CNGA3: variants seen among roughly 807,000 people sequenced by gnomAD.
The protein encoded by CNGA3 is cyclic nucleotide-gated channel alpha-3.
CNGA3 carries 42 observed loss-of-function variants against 46.6 expected under a neutral mutation model. The ratio of observed to expected loss-of-function variants is 0.90; its 90% CI spans 0.70 to 1.17. The LOEUF (loss-of-function observed/expected upper bound fraction) is 1.17. Among genes scored for constraint, CNGA3 ranks in the 50% most tolerant of loss-of-function variants. CNGA3 has a pLI of 0.00. For synonymous variants in CNGA3, 394 were observed against 369.4 expected (o/e 1.07, Z -0.76); for missense variants, 893 against 890.7 (o/e 1.00, Z -0.03).
chr2:98,361,426 A>G (rs763048671), intron 1 of CNGA3, among the ~76,000 whole-genome samples: 1 of 152,062 alleles, frequency 6.6e-6, no homozygotes, highest in Non-Finnish European at 1.5e-5. Context: ...TATCTAGTCT[A>G]TCATTGATGG....
chr2:98,378,096 T>C (rs1487184843), intron 3 of CNGA3: 1 of 1,550,626 alleles, frequency 6.4e-7, no homozygotes, highest in African/African-American at 1.4e-5. Context: ...CCGGAGAAGG[T>C]GGTAAGAGCA....
At position 98,389,813 on chromosome 2, in the gene CNGA3, A is replaced by G. The variant is rs202045825; in HGVS notation, c.566+39A>G. The G allele has an allele frequency of 1.9e-6, 3 of 1,555,590 alleles. No homozygotes were observed. The South Asian group carries it at 3.3e-5, about 17-fold the overall frequency. ...GTGGAAGGTGCAGCGGAAAGGGGGA[A>G]ACCAGGGCACCAGGCCCAGGAGCCA... On this transcript the variant is annotated intron_variant, in intron 6 of 7. Coordinates refer to ENST00000272602, the MANE Select transcript of CNGA3 (RefSeq NM_001298.3).
chr2:98,383,463 A>T, intron 5 of CNGA3, 22 bp downstream of exon 5: 2 of 1,614,094 alleles, frequency 1.2e-6, no homozygotes, highest in Non-Finnish European at 1.7e-6. Flanking sequence ...CACACCCAGC[A>T]GAGCCCTCCC....
intron 1 of CNGA3, among the ~76,000 whole-genome samples, chr2:98,361,839 C>G (rs956860953): frequency 6.6e-6 from 1 of 151,652 alleles, no homozygotes; most frequent in African/African-American, 2.4e-5. Context: ...TCCAGAGTAG[C>G]TGGGACTACA....
At position 98,397,277 on chromosome 2, in the gene CNGA3, C is replaced by T; in HGVS notation, c.*22C>T. The T allele has an allele frequency of 3.7e-6, 6 of 1,610,842 alleles. No individual in the cohort carries two copies. The highest frequency in any genetic ancestry group is 5.1e-6 in the Non-Finnish European group (6 of 1,178,112). ...GTGAAAATGCAGCATCTGTCTCCTGCTTCACAGGGTCGACTGTCAGGGTGA... is the reference window on the plus strand; with the variant it reads ...GTGAAAATGCAGCATCTGTCTCCTGTTTCACAGGGTCGACTGTCAGGGTGA... On this transcript the variant is annotated 3_prime_UTR_variant, in exon 8 of 8. Coordinates refer to ENST00000272602, the MANE Select transcript of CNGA3 (RefSeq NM_001298.3).
At chr2:98,373,037 G>A (rs2104183999) in intron 2 of CNGA3, among the ~76,000 whole-genome samples, 1 of 152,250 alleles carries the variant, frequency 6.6e-6, no homozygotes, top group African/African-American at 2.4e-5. Flanking sequence ...TCTTACAGAG[G>A]CGAGACTGGC....
In CNGA3 at chr2:98,347,492, A is replaced by T. The variant is rs1234751484; in HGVS notation, c.-38+958A>T. Reference sequence around the variant, plus strand: ...ATTTTTCTCCCTGTGTAATCTCCCTACTGAGCGGCGCAGCTGGGACTTTAA... The same window carrying T: ...ATTTTTCTCCCTGTGTAATCTCCCTTCTGAGCGGCGCAGCTGGGACTTTAA... On this transcript the variant is annotated intron_variant, in intron 1 of 7. Coordinates refer to ENST00000272602, the MANE Select transcript of CNGA3 (RefSeq NM_001298.3). Among the ~76,000 whole-genome samples, 4 of 152,114 alleles carry T rather than the reference A, an allele frequency of 2.6e-5. No homozygotes were observed. The South Asian group carries it at 8.3e-4, about 32-fold the overall frequency.
chr2:98,379,013 C>T (rs992207610), intron 3 of CNGA3, among the ~76,000 whole-genome samples: 3 of 152,208 alleles, frequency 2.0e-5, no homozygotes, highest in Non-Finnish European at 2.9e-5. Flanking sequence ...AGTTCAGAGG[C>T]CTGAGTGGCT....
At chr2:98,370,122 T>A in intron 2 of CNGA3, 46 bp downstream of exon 2, 2 of 1,441,088 alleles carry the variant, frequency 1.4e-6, no homozygotes, top group Non-Finnish European at 1.9e-6. Flanking sequence ...CTGGCTCTGG[T>A]CATTTCCACA....
chr2:98,389,088 G>A (rs1363718693), intron 5 of CNGA3, among the ~76,000 whole-genome samples: 1 of 152,254 alleles, frequency 6.6e-6, no homozygotes, highest in Non-Finnish European at 1.5e-5. Flanking sequence ...TTTTGATGGA[G>A]AGGTGTGATG....
In CNGA3 at chr2:98,396,440, A is replaced by C. The variant is rs752934884; in HGVS notation, c.1270A>C (p.Met424Leu). 1 of 1,613,964 alleles carries C rather than the reference A, an allele frequency of 6.2e-7. No homozygotes were observed. Among genetic ancestry groups the C allele is most frequent in the African/African-American group, 1.3e-5 (1 of 75,008 alleles). ...CAAGATTGATTCCATCAAGCAGTAC[A>C]TGCAGTTCCGCAAGGTCACCAAGGA... ...QAKIDSIKQY[M>L]QFRKVTKDLE... The change falls in exon 8 of 8, where the codon ATG becomes CTG. Residue 424 changes from methionine (M) to leucine (L), a missense_variant. Met to Leu is a conservative substitution (Grantham distance 15, BLOSUM62 2). Coordinates refer to ENST00000272602, the MANE Select transcript of CNGA3 (RefSeq NM_001298.3).
At chr2:98,355,773 T>G (rs1225746571) in intron 1 of CNGA3, 1 of 152,192 alleles carries the variant, frequency 6.6e-6, no homozygotes, top group African/African-American at 2.4e-5. Flanking sequence ...AATAAGGCCA[T>G]TTCTATTATT....
intron 1 of CNGA3, among the ~76,000 whole-genome samples, chr2:98,361,998 C>T (rs186887844): frequency 3.9e-4 from 59 of 152,038 alleles, no homozygotes; most frequent in Admixed American, 2.2e-3. Flanking sequence ...TGAGCCACCG[C>T]GCCCGGCCTT....
Position 98,368,339 on chromosome 2 carries a change from C to T in CNGA3, c.-37-1600C>T, listed in dbSNP as rs149524440. Among the ~76,000 whole-genome samples, 16 of 152,318 alleles carry T rather than the reference C, an allele frequency of 1.1e-4. No homozygotes were observed. In the East Asian group the frequency reaches 2.1e-3, roughly 20 times the overall value. ...ATTTCTAGAAATTGCCATCTTTCTC[C>T]GGAGTGGTCTCCACTGACATCTGAC... is the stretch of plus-strand genomic sequence containing the variant. On this transcript the variant is annotated intron_variant, in intron 1 of 7. Transcript: ENST00000272602.
At chr2:98,392,901 A>G (rs1692826730) in intron 7 of CNGA3, among the ~76,000 whole-genome samples, 1 of 152,188 alleles carries the variant, frequency 6.6e-6, no homozygotes, top group African/African-American at 2.4e-5. Context: ...TGCCCTTGGG[A>G]CATCTTTTTC....
intron 1 of CNGA3, among the ~76,000 whole-genome samples, chr2:98,368,813 T>C (rs1692221086): frequency 6.6e-6 from 1 of 152,160 alleles, no homozygotes; most frequent in South Asian, 2.1e-4. Flanking sequence ...GGCTTAGGGA[T>C]GAAATCACAG....
At chr2:98,370,145 T>C in intron 2 of CNGA3, 69 bp downstream of exon 2, 4 of 1,314,496 alleles carry the variant, frequency 3.0e-6, no homozygotes, top group Non-Finnish European at 4.3e-6. Flanking sequence ...TGATCTAGAC[T>C]GTGGGGGAAG....
At chr2:98,356,017 C>G (rs1280542253) in intron 1 of CNGA3, 2 of 152,228 alleles carry the variant, frequency 1.3e-5, no homozygotes, top group Non-Finnish European at 2.9e-5. Flanking sequence ...GTGTGGTGCC[C>G]ACGTCAGCTC....
At chr2:98,382,413 A>G (rs1188665423) in intron 4 of CNGA3, among the ~76,000 whole-genome samples, 2 of 152,184 alleles carry the variant, frequency 1.3e-5, no homozygotes, top group African/African-American at 2.4e-5. Flanking sequence ...GATGAGCAGA[A>G]CCAATCTAGA....
Sources: allele counts gnomAD v4.1 joint callset (sites outside exome capture counted in the v4.1 genomes callset), GRCh38; gene constraint gnomAD v4.1.1; transcripts MANE v1.5; gene names NCBI Gene and HGNC (gene_info 2026-07-23, HGNC 2026-07-21).